The following RTF2 variants were observed in gnomAD, a reference collection of about 807,000 sequenced individuals.
RTF2 encodes the protein replication termination factor 2.
RTF2 carries 18 observed loss-of-function variants against 38.0 expected under a neutral mutation model. That is an observed-to-expected ratio of 0.47 (90% CI 0.33 to 0.70). The LOEUF (loss-of-function observed/expected upper bound fraction) is 0.70, where lower values mean the gene tolerates loss of function less well. Ranked by LOEUF, RTF2 falls within the 30% of genes least tolerant of loss-of-function variation. The probability of loss-of-function intolerance (pLI) is 0.02; values close to 1 mark genes in which losing one functional copy is unlikely to be tolerated. For missense variants in RTF2, 311 were observed against 379.6 expected, an observed-to-expected ratio of 0.82 and a Z score of 1.50; for synonymous variants, 126 against 137.1, an observed-to-expected ratio of 0.92 and a Z score of 0.57.
At chr20:56,489,618 T>A (rs954797785) in intron 5 of RTF2, among the ~76,000 whole-genome samples, 6 of 152,154 alleles carry the variant, frequency 3.9e-5, no homozygotes, top group African/African-American at 1.4e-4. Context: ...GCCATTCTTC[T>A]GAGCACTTCC....
chr20:56,472,720 A>T (rs2050021552), intron 1 of RTF2, among the ~76,000 whole-genome samples: 1 of 151,862 alleles, frequency 6.6e-6, no homozygotes, highest in Admixed American at 6.6e-5. Flanking sequence ...TAAGATTCAG[A>T]TGTTAATATT....
chr20:56,495,066 A>G (rs1983424128), intron 5 of RTF2: 3 of 658,754 alleles, frequency 4.6e-6, no homozygotes, highest in Non-Finnish European at 5.2e-6. Context: ...GACTCAACCT[A>G]TACTAATTGG....
At chr20:56,497,191 T>C (rs935670064) in intron 5 of RTF2, 4 of 1,551,600 alleles carry the variant, frequency 2.6e-6, no homozygotes, top group South Asian at 1.2e-5. Context: ...TCAACATGAA[T>C]ACAATAAACA....
intron 4 of RTF2, 103 bp downstream of exon 4, chr20:56,477,227 G>T: frequency 1.5e-6 from 2 of 1,364,864 alleles, no homozygotes; most frequent in East Asian, 2.4e-5. Flanking sequence ...CTTGCTTTCT[G>T]GTGTCCTTGG....
intron 5 of RTF2, among the ~76,000 whole-genome samples, chr20:56,484,980 T>C (rs962338373): frequency 1.3e-5 from 2 of 152,116 alleles, no homozygotes; most frequent in African/African-American, 4.8e-5. Context: ...CACTGAGTGA[T>C]GGTTAGGGGC....
chr20:56,506,784 T>C (rs1304584847), intron 5 of RTF2, among the ~76,000 whole-genome samples: 1 of 152,050 alleles, frequency 6.6e-6, no homozygotes, highest in Non-Finnish European at 1.5e-5. Flanking sequence ...CACTGCAAGC[T>C]CCGCCTCCCA....
At position 56,477,281 on chromosome 20, in the gene RTF2, GT is replaced by G. The variant is rs200680305; in HGVS notation, c.398+159del. ...GGAAATGGTGCTTGGTCATGAGCACGTTCATTTCCGTCAGCCATTGCTACGG... is the reference window on the plus strand; with the variant it reads ...GGAAATGGTGCTTGGTCATGAGCACGTCATTTCCGTCAGCCATTGCTACGG... On this transcript the variant is annotated intron_variant, in intron 4 of 8. Coordinates refer to ENST00000357348, the MANE Select transcript of RTF2 (RefSeq NM_016407.5). Among the ~76,000 whole-genome samples the G allele has an allele frequency of 2.0e-4, 30 of 152,272 alleles. 1 individual carries two copies. In the East Asian group the frequency reaches 5.2e-3, roughly 27 times the overall value.
chr20:56,512,758 G>A (rs1052270089), intron 5 of RTF2, among the ~76,000 whole-genome samples: 4 of 152,224 alleles, frequency 2.6e-5, no homozygotes, highest in African/African-American at 9.6e-5. Context: ...GGCGCATGTA[G>A]CAGAGTCTGG....
At chr20:56,507,969 G>T (rs1269070021) in intron 5 of RTF2, among the ~76,000 whole-genome samples, 1 of 152,198 alleles carries the variant, frequency 6.6e-6, no homozygotes, top group African/African-American at 2.4e-5. Flanking sequence ...TGTAGGCCCA[G>T]CTCTCTACAG....
chr20:56,469,585 G>T (rs1253640856), intron 1 of RTF2, among the ~76,000 whole-genome samples: 2 of 152,196 alleles, frequency 1.3e-5, no homozygotes, highest in African/African-American at 4.8e-5. Context: ...AAAGCACCTA[G>T]TAGAGACTTC....
chr20:56,491,435 G>T, intron 5 of RTF2: 1 of 692,078 alleles, frequency 1.4e-6, no homozygotes, highest in Non-Finnish European at 2.5e-6. Flanking sequence ...TCAATAGCAT[G>T]TTTCTGAATT....
chr20:56,504,019 C>T (rs1398899091), intron 5 of RTF2: 1 of 152,334 alleles, frequency 6.6e-6, no homozygotes, highest in Non-Finnish European at 1.5e-5. Flanking sequence ...TAACCTTTGC[C>T]ATTGGTGGGT....
At chr20:56,494,806 T>A (rs1983404431) in intron 5 of RTF2, among the ~76,000 whole-genome samples, 1 of 152,222 alleles carries the variant, frequency 6.6e-6, no homozygotes, top group African/African-American at 2.4e-5. Flanking sequence ...GTAAACCTAG[T>A]TTATTTTTAA....
Position 56,476,118 on chromosome 20 carries a change from A to G in RTF2, c.259-867A>G, listed in dbSNP as rs142069779. On this transcript the variant is annotated intron_variant, in intron 3 of 8. Coordinates refer to ENST00000357348, the MANE Select transcript of RTF2 (RefSeq NM_016407.5). ...GTAGAGTTACTGTATCAAATTCCTT[A>G]TAAAGTTGGGAATTCTTGAAAACCT... 3.7e-3 allele frequency among the ~76,000 whole-genome samples: 557 copies of G among 152,360 alleles called. 3 individuals carry two copies. The highest frequency in any genetic ancestry group is 0.013 in the African/African-American group (521 of 41,588).
chr20:56,497,773 C>G lies in RTF2; in HGVS notation c.477+13584C>G, dbSNP rs1484358431. The G allele has an allele frequency of 8.3e-6, 3 of 361,526 alleles. No individual in the cohort carries two copies. In the Admixed American group the frequency reaches 1.4e-4, roughly 17 times the overall value. 22.4% of individuals were successfully genotyped at this position (361,526 alleles called of 1,614,324 possible). On this transcript the variant is annotated intron_variant, in intron 5 of 8. Transcript: ENST00000357348. ...ACACCCATGAAACTGTCATTGCAAT[C>G]AAGATAACAAGCATTTCCCTCACTC...
At chr20:56,487,170 A>G (rs1044062724) in intron 5 of RTF2, among the ~76,000 whole-genome samples, 1 of 152,160 alleles carries the variant, frequency 6.6e-6, no homozygotes, top group African/African-American at 2.4e-5. Context: ...AAACAATCAT[A>G]CTAATAACCA....
chr20:56,475,902 T>A (rs1982217441), intron 3 of RTF2, among the ~76,000 whole-genome samples: 1 of 152,196 alleles, frequency 6.6e-6, no homozygotes, highest in South Asian at 2.1e-4. Context: ...TGCTAATACA[T>A]AAGATTGTCA....
chr20:56,517,942 C>T, intron 8 of RTF2, 145 bp from the exon 9 acceptor site: 1 of 724,756 alleles, frequency 1.4e-6, no homozygotes, highest in Non-Finnish European at 2.3e-6. Flanking sequence ...CTGGAGTTGG[C>T]AATTAAGATG....
intron 5 of RTF2, among the ~76,000 whole-genome samples, chr20:56,511,811 G>A (rs1180230840): frequency 1.3e-5 from 2 of 151,908 alleles, no homozygotes; most frequent in African/African-American, 2.4e-5. Flanking sequence ...CAAGTGGTTA[G>A]AGAGCCACTG....
Sources: gnomAD v4.1 joint callset for allele counts (sites outside exome capture counted in the v4.1 genomes callset) on GRCh38, gnomAD v4.1.1 for gene constraint, MANE v1.5 for transcripts, NCBI Gene and HGNC (gene_info 2026-07-23, HGNC 2026-07-21) for gene names.